Variants in GAS2 observed in about 807,000 individuals in gnomAD.
The protein encoded by GAS2 is growth arrest-specific protein 2.
A neutral mutation model predicts 37.5 loss-of-function variants in GAS2; 20 were observed. The ratio of observed to expected loss-of-function variants is 0.53; its 90% CI spans 0.37 to 0.77. The LOEUF (loss-of-function observed/expected upper bound fraction) is 0.77. GAS2 is among the 30% of genes least tolerant of loss of function. GAS2 has a pLI of 0.00. For missense variants in GAS2, 336 were observed against 373.4 expected (o/e 0.90, Z 0.82); for synonymous variants, 144 against 132.2 (o/e 1.09, Z -0.61).
chr11:22,646,836 C>T (rs912356949), intron 1 of GAS2, among the ~76,000 whole-genome samples: 4 of 150,348 alleles, frequency 2.7e-5, no homozygotes, highest in Non-Finnish European at 5.9e-5. Context: ...CTCCATCTTC[C>T]TTCCTTCTTT....
At chr11:22,787,992 T>G (rs1418340544) in intron 7 of GAS2, among the ~76,000 whole-genome samples, 1 of 152,226 alleles carries the variant, frequency 6.6e-6, no homozygotes, top group African/African-American at 2.4e-5. Context: ...TTGCTTGTCA[T>G]GTAGCTCATC....
intron 7 of GAS2, among the ~76,000 whole-genome samples, chr11:22,804,799 G>T (rs1049204705): frequency 3.3e-5 from 5 of 152,062 alleles, no homozygotes; most frequent in African/African-American, 1.2e-4. Context: ...GGAGGGTGGG[G>T]ACAAGTAGTG....
intron 4 of GAS2, among the ~76,000 whole-genome samples, chr11:22,735,814 T>C (rs891075347): frequency 2.6e-5 from 4 of 151,886 alleles, no homozygotes; most frequent in African/African-American, 9.7e-5. Context: ...ATAGTTTTTA[T>C]ATTTTGACAC....
chr11:22,756,014 G>T, intron 7 of GAS2, 61 bp downstream of exon 7: 1 of 1,175,514 alleles, frequency 8.5e-7, no homozygotes, highest in Non-Finnish European at 1.2e-6. Flanking sequence ...TGAGTTAGGG[G>T]AAATATGACA....
intron 7 of GAS2, among the ~76,000 whole-genome samples, chr11:22,775,373 T>G (rs1158698502): frequency 6.6e-6 from 1 of 152,160 alleles, no homozygotes; most frequent in African/African-American, 2.4e-5. Context: ...ATCTACTGTG[T>G]GAGGCTATCT....
chr11:22,754,004 T>A (rs1386631060), intron 6 of GAS2, among the ~76,000 whole-genome samples: 1 of 152,062 alleles, frequency 6.6e-6, no homozygotes, highest in Admixed American at 6.6e-5. Flanking sequence ...GAAATAACCT[T>A]TCAAAAAATC....
At chr11:22,762,304 G>C (rs1854433959) in intron 7 of GAS2, among the ~76,000 whole-genome samples, 2 of 152,116 alleles carry the variant, frequency 1.3e-5, no homozygotes, top group African/African-American at 4.8e-5. Context: ...GTTTGTTCCA[G>C]GCATTTTACC....
chr11:22,739,572 C>CAAAAAAAAA (rs71037525), intron 5 of GAS2, among the ~76,000 whole-genome samples: 8 of 64,658 alleles, frequency 1.2e-4, no homozygotes, highest in Admixed American at 2.4e-4. Context: ...GATTCGCTCT[C>CAAAAAAAAA]AAAAAAAAAA....
At chr11:22,684,907 G>T (rs80206202) in intron 2 of GAS2, among the ~76,000 whole-genome samples, 3,727 of 152,300 alleles carry the variant, frequency 0.024, 72 homozygotes, top group East Asian at 0.064. Context: ...CATTTCAATA[G>T]AATCTAGAGA....
At chr11:22,667,423 G>T (rs886302446) in intron 1 of GAS2, among the ~76,000 whole-genome samples, 1 of 152,172 alleles carries the variant, frequency 6.6e-6, no homozygotes, top group Non-Finnish European at 1.5e-5. Context: ...AGCGCCACAT[G>T]TGTGATCTGG....
chr11:22,690,309 C>T (rs1403599503), intron 3 of GAS2, among the ~76,000 whole-genome samples: 1 of 151,606 alleles, frequency 6.6e-6, no homozygotes, highest in Non-Finnish European at 1.5e-5. Context: ...CTTTTATATC[C>T]AGCTTTGGTT....
chr11:22,786,923 C>G (rs1194452950), intron 7 of GAS2, among the ~76,000 whole-genome samples: 7 of 152,116 alleles, frequency 4.6e-5, no homozygotes, highest in Non-Finnish European at 1.0e-4. Context: ...ATATTAGAAT[C>G]ACATGGATAA....
At chr11:22,702,117 A>G (rs1161161828) in intron 3 of GAS2, 1 of 152,218 alleles carries the variant, frequency 6.6e-6, no homozygotes, top group Non-Finnish European at 1.5e-5. Flanking sequence ...TGGACCTATT[A>G]CAATGCTTTT....
In GAS2 at chr11:22,800,188, T is replaced by C. The variant is rs182599093; in HGVS notation, c.724-11610T>C. The stretch of plus-strand genomic sequence containing the variant: ...AGAAAATAGTAGCTGGGCTATAAAG[T>C]GCTTTGCGAGCCAGGTTACTTGTTC... On this transcript the variant is annotated intron_variant, in intron 7 of 7. Coordinates refer to ENST00000454584, the MANE Select transcript of GAS2 (RefSeq NM_001143830.3). Among the ~76,000 whole-genome samples the C allele has an allele frequency of 9.8e-4, 149 of 152,182 alleles. 1 individual carries two copies. Among genetic ancestry groups the C allele is most frequent in the African/African-American group, 3.3e-3 (135 of 41,520 alleles).
At chr11:22,690,315 T>C (rs1351000053) in intron 3 of GAS2, among the ~76,000 whole-genome samples, 2 of 152,214 alleles carry the variant, frequency 1.3e-5, no homozygotes, top group East Asian at 1.9e-4. Context: ...TATCCAGCTT[T>C]GGTTTGATAA....
At chr11:22,657,073 A>G (rs1405373111) in intron 1 of GAS2, among the ~76,000 whole-genome samples, 1 of 152,208 alleles carries the variant, frequency 6.6e-6, no homozygotes, top group Non-Finnish European at 1.5e-5. Flanking sequence ...AAGAGGAGGA[A>G]TTCTGGAAGT....
At chr11:22,643,342 C>T (rs115226101) in intron 1 of GAS2, among the ~76,000 whole-genome samples, 2,220 of 151,726 alleles carry the variant, frequency 0.015, 51 homozygotes, top group African/African-American at 0.051. Context: ...TAATTTGAAA[C>T]CTCTTGGATT....
At chr11:22,792,785 G>T (rs1000144112) in intron 7 of GAS2, among the ~76,000 whole-genome samples, 1 of 152,188 alleles carries the variant, frequency 6.6e-6, no homozygotes, top group Non-Finnish European at 1.5e-5. Context: ...GTGATGAATT[G>T]TTTAATTCTT....
At position 22,674,884 on chromosome 11, in the gene GAS2, G is replaced by T; in HGVS notation, c.15G>T (p.Leu5=). Residue 5 remains leucine, a synonymous_variant, in exon 2 of 8, where the codon CTG becomes CTT. Transcript: ENST00000454584. MCTA[L]SPKVRSGPGL... ...GTGGATAAATAATGTGCACTGCTCTGAGCCCAAAGGTACGCAGTGGACCTG... is the reference window on the plus strand; with the variant it reads ...GTGGATAAATAATGTGCACTGCTCTTAGCCCAAAGGTACGCAGTGGACCTG... 1.2e-6 allele frequency: 2 copies of T among 1,610,780 alleles called. No individual in the cohort carries two copies. Among genetic ancestry groups the T allele is most frequent in the Admixed American group, 3.4e-5 (2 of 59,326 alleles).
Sources: gnomAD v4.1 joint callset for allele counts (sites outside exome capture counted in the v4.1 genomes callset) on GRCh38, gnomAD v4.1.1 for gene constraint, MANE v1.5 for transcripts, NCBI Gene and HGNC (gene_info 2026-07-23, HGNC 2026-07-21) for gene names.